NXPE4: variants seen among roughly 807,000 people sequenced by gnomAD.
The protein encoded by NXPE4 is NXPE family member 4.
Under a neutral mutation model 33.3 loss-of-function variants are expected in NXPE4, and 42 were observed. That is an observed-to-expected ratio of 1.26 (90% CI 0.98 to 1.63). The LOEUF is 1.63. Among genes scored for constraint, NXPE4 ranks in the 40% most tolerant of loss-of-function variants. NXPE4 has a pLI of 0.00. For synonymous variants in NXPE4, 253 were observed against 234.9 expected, an observed-to-expected ratio of 1.08 and a Z score of -0.71; for missense variants, 709 against 647.6, an observed-to-expected ratio of 1.09 and a Z score of -1.03.
At chr11:114,617,037 C>T in the NXPE4 span, among the ~76,000 whole-genome samples, 4 of 152,072 alleles carry the variant, frequency 2.6e-5, no homozygotes, top group African/African-American at 4.8e-5. Context: ...CGTGGGTAAC[C>T]TCTGTTACCC....
In NXPE4 at chr11:114,583,138, G is replaced by A. The variant is rs113839069; in HGVS notation, c.97-117C>T. The A allele has an allele frequency of 3.7e-4, 430 of 1,160,470 alleles. 1 individual carries two copies. In the African/African-American group the frequency reaches 5.7e-3, roughly 16 times the overall value. The allele number at this position is 1,160,470 out of a possible 1,614,324, so 71.9% of individuals were successfully genotyped here. ...ATGTTCCTAGTCATTTTTACTTATT[G>A]TGATTTTGAATATTGATTTACATAC... On this transcript the variant is annotated intron_variant, in intron 2 of 5. Coordinates refer to ENST00000375478, the MANE Select transcript of NXPE4 (RefSeq NM_001077639.2).
chr11:114,582,085 C>G (rs1949159510), intron 3 of NXPE4, among the ~76,000 whole-genome samples: 2 of 152,034 alleles, frequency 1.3e-5, no homozygotes, highest in South Asian at 4.1e-4. Context: ...ATTTTTTTCC[C>G]ATTGATAAGA....
the NXPE4 span, among the ~76,000 whole-genome samples, chr11:114,673,831 G>A: frequency 2.0e-5 from 3 of 151,770 alleles, no homozygotes; most frequent in Non-Finnish European, 4.4e-5. Context: ...TATCTCCCCA[G>A]ATAGCCTCCC....
chr11:114,607,882 G>A, the NXPE4 span, among the ~76,000 whole-genome samples: 9 of 151,682 alleles, frequency 5.9e-5, no homozygotes, highest in Non-Finnish European at 1.3e-4. Flanking sequence ...TGGATAGTAA[G>A]TACTGCCTCG....
At chr11:114,610,334 T>G in the NXPE4 span, among the ~76,000 whole-genome samples, 66 of 151,878 alleles carry the variant, frequency 4.3e-4, no homozygotes, top group Non-Finnish European at 7.1e-4. Context: ...GAATAATAAG[T>G]ATGGCCTCAT....
At chr11:114,626,710 C>A in the NXPE4 span, among the ~76,000 whole-genome samples, 1 of 152,150 alleles carries the variant, frequency 6.6e-6, no homozygotes, top group African/African-American at 2.4e-5. Flanking sequence ...TTCAGACAAT[C>A]AAATTATTCC....
At chr11:114,615,691 G>A in the NXPE4 span, among the ~76,000 whole-genome samples, 2 of 151,540 alleles carry the variant, frequency 1.3e-5, no homozygotes, top group Non-Finnish European at 2.9e-5. Context: ...TGCCTCTAGG[G>A]TAACCACTGT....
chr11:114,617,576 G>A, the NXPE4 span, among the ~76,000 whole-genome samples: 1 of 152,068 alleles, frequency 6.6e-6, no homozygotes, highest in Non-Finnish European at 1.5e-5. Context: ...TGCCTCACGG[G>A]TAACCGGTGT....
At position 114,571,309 on chromosome 11, in the gene NXPE4, T is replaced by G; in HGVS notation, c.1264A>C (p.Arg422=). Residue 422 remains arginine (R), a synonymous_variant, in exon 6 of 6, where the codon AGA becomes CGA. Coordinates refer to ENST00000375478, the MANE Select transcript of NXPE4 (RefSeq NM_001077639.2). The stretch of plus-strand genomic sequence containing the variant: ...ACAGTATTTTTTTCTCCTCCAGTTC[T>G]GTCAATGGCCCGGGTGAGGTACTCC... ...EMEYLTRAID[R]TGGEKNTVIV... is the part of the protein sequence containing the mutation. 2 of 1,614,070 alleles carry G rather than the reference T, an allele frequency of 1.2e-6. No individual in the cohort carries two copies. The highest frequency in any genetic ancestry group is 1.7e-6 in the Non-Finnish European group (2 of 1,179,942).
At chr11:114,585,717 C>T (rs1949278527) in intron 2 of NXPE4, among the ~76,000 whole-genome samples, 2 of 151,970 alleles carry the variant, frequency 1.3e-5, no homozygotes, top group Non-Finnish European at 2.9e-5. Flanking sequence ...TAAAGGAGTC[C>T]TTGGCAAGGC....
the NXPE4 span, among the ~76,000 whole-genome samples, chr11:114,646,992 G>A: frequency 6.6e-6 from 1 of 152,204 alleles, no homozygotes; most frequent in African/African-American, 2.4e-5. Context: ...CCTGAAAGGA[G>A]AAGAGACACT....
chr11:114,602,732 A>G, the NXPE4 span, among the ~76,000 whole-genome samples: 1 of 144,396 alleles, frequency 6.9e-6, no homozygotes, highest in Non-Finnish European at 1.5e-5. Context: ...ATTATCTCAT[A>G]TATAATTAAA....
the NXPE4 span, among the ~76,000 whole-genome samples, chr11:114,608,507 G>A: frequency 1.3e-5 from 2 of 151,938 alleles, no homozygotes; most frequent in African/African-American, 4.8e-5. Context: ...TAGATGATAA[G>A]TGTTGCCTCG....
At chr11:114,579,853 G>A (rs1370186692) in intron 5 of NXPE4, among the ~76,000 whole-genome samples, 1 of 152,036 alleles carries the variant, frequency 6.6e-6, no homozygotes, top group Admixed American at 6.6e-5. Context: ...CATTATCTTT[G>A]GTTCCATCAA....
the NXPE4 span, among the ~76,000 whole-genome samples, chr11:114,624,251 A>G: frequency 6.6e-6 from 1 of 151,756 alleles, no homozygotes; most frequent in Admixed American, 6.6e-5. Context: ...AATCACTGTG[A>G]CCCGGTGGAT....
At chr11:114,646,532 C>T in the NXPE4 span, among the ~76,000 whole-genome samples, 1 of 151,716 alleles carries the variant, frequency 6.6e-6, no homozygotes, top group African/African-American at 2.4e-5. Flanking sequence ...TTTAAAAAAC[C>T]TGAATTATAA....
the NXPE4 span, among the ~76,000 whole-genome samples, chr11:114,675,769 C>T: frequency 6.6e-6 from 1 of 151,738 alleles, no homozygotes; most frequent in Admixed American, 6.6e-5. Flanking sequence ...TACATGGAAC[C>T]ACAAAAGACC....
chr11:114,675,007 T>C, the NXPE4 span, among the ~76,000 whole-genome samples: 2 of 151,582 alleles, frequency 1.3e-5, no homozygotes, highest in Admixed American at 1.3e-4. Context: ...CATACACAAA[T>C]CTATACATGT....
At chr11:114,635,243 A>T in the NXPE4 span, among the ~76,000 whole-genome samples, 2 of 149,766 alleles carry the variant, frequency 1.3e-5, no homozygotes, top group South Asian at 2.1e-4. Context: ...ATGGGAGTTC[A>T]CTCATGATTT....
Sources: allele counts gnomAD v4.1 joint callset (sites outside exome capture counted in the v4.1 genomes callset), GRCh38; gene constraint gnomAD v4.1.1; transcripts MANE v1.5; gene names NCBI Gene and HGNC (gene_info 2026-07-23, HGNC 2026-07-21).